Variants in ATG10 observed in about 807,000 individuals in gnomAD.
The protein encoded by ATG10 is autophagy related 10, also known as ubiquitin-like-conjugating enzyme ATG10.
Under a neutral mutation model 32.1 loss-of-function variants are expected in ATG10, and 30 were observed. That is an observed-to-expected ratio of 0.94 (90% CI 0.70 to 1.27). ATG10 has a LOEUF of 1.27. Among genes scored for constraint, ATG10 ranks in the 50% most tolerant of loss-of-function variants. The probability of loss-of-function intolerance (pLI) is 0.00; values close to 1 mark genes in which losing one functional copy is unlikely to be tolerated. For synonymous variants in ATG10, 87 were observed against 91.5 expected, an observed-to-expected ratio of 0.95 and a Z score of 0.28; for missense variants, 233 against 262.3, an observed-to-expected ratio of 0.89 and a Z score of 0.77.
intron 3 of ATG10, among the ~76,000 whole-genome samples, chr5:82,102,734 C>T (rs1322245134): frequency 6.6e-6 from 1 of 152,174 alleles, no homozygotes; most frequent in Non-Finnish European, 1.5e-5. Flanking sequence ...CCATCCTTCT[C>T]ACAGTGTTTT....
At chr5:82,235,674 G>A (rs1213904315) in intron 5 of ATG10, among the ~76,000 whole-genome samples, 1 of 152,184 alleles carries the variant, frequency 6.6e-6, no homozygotes, top group African/African-American at 2.4e-5. Context: ...GAAATTGACA[G>A]TATCCTCTAC....
chr5:81,973,579 CAT>C lies in ATG10; in HGVS notation c.-13+1276_-13+1277del, dbSNP rs1760789417. On this transcript the variant is annotated intron_variant, in intron 1 of 7. Coordinates refer to ENST00000282185, the MANE Select transcript of ATG10 (RefSeq NM_031482.5). ...TCTTTGTCACAGGTTCATTTTGAGT[CAT>C]ATTTATAACTTTTGTTATTGGACAA... 2.0e-5 allele frequency among the ~76,000 whole-genome samples: 3 copies of C among 152,244 alleles called. No homozygotes were observed. In the South Asian group the frequency reaches 6.2e-4, roughly 32 times the overall value.
At chr5:82,082,924 C>T (rs560408770) in intron 3 of ATG10, among the ~76,000 whole-genome samples, 9 of 152,308 alleles carry the variant, frequency 5.9e-5, no homozygotes, top group South Asian at 4.1e-4. Context: ...CAGCTCCCAG[C>T]GTGAGCGACA....
At chr5:82,238,731 A>C (rs1045490992) in intron 5 of ATG10, among the ~76,000 whole-genome samples, 19 of 152,156 alleles carry the variant, frequency 1.2e-4, no homozygotes, top group African/African-American at 4.1e-4. Flanking sequence ...TACCCACAAT[A>C]AGTATTCAGT....
At chr5:82,144,548 A>C (rs1046822977) in intron 3 of ATG10, among the ~76,000 whole-genome samples, 1 of 151,578 alleles carries the variant, frequency 6.6e-6, no homozygotes, top group Non-Finnish European at 1.5e-5. Context: ...AATTCACTTT[A>C]TGATTTTTAA....
intron 3 of ATG10, among the ~76,000 whole-genome samples, chr5:82,093,978 C>G (rs1764970983): frequency 6.6e-6 from 1 of 152,120 alleles, no homozygotes; most frequent in Non-Finnish European, 1.5e-5. Flanking sequence ...ATTGTTTCCT[C>G]TAATTGTTTT....
At chr5:82,066,171 A>G (rs1388216765) in intron 3 of ATG10, among the ~76,000 whole-genome samples, 1 of 152,118 alleles carries the variant, frequency 6.6e-6, no homozygotes, top group Admixed American at 6.5e-5. Context: ...TTTGTCTCTA[A>G]TGTCTTCATT....
At chr5:82,245,056 A>G (rs1448690268) in intron 5 of ATG10, among the ~76,000 whole-genome samples, 1 of 152,218 alleles carries the variant, frequency 6.6e-6, no homozygotes, top group Non-Finnish European at 1.5e-5. Context: ...TACTGACAGC[A>G]GATGGTAGCA....
chr5:82,034,973 C>A (rs1762867577), intron 2 of ATG10, among the ~76,000 whole-genome samples: 1 of 152,106 alleles, frequency 6.6e-6, no homozygotes, highest in African/African-American at 2.4e-5. Flanking sequence ...GGCTGGAGTG[C>A]AATGGTGTGA....
At position 82,254,925 on chromosome 5, in the gene ATG10, T is replaced by TGTGTGTGTGTGTGG. The variant is rs752223016; in HGVS notation, c.*865_*866insTGTGTGTGTGGGTG. On this transcript the variant is annotated 3_prime_UTR_variant, in exon 8 of 8. Coordinates refer to ENST00000282185, the MANE Select transcript of ATG10 (RefSeq NM_031482.5). ...GTGTGTGTGTGTGTGTGTGTGTATGTGTGGGTGTTTGTGTAGATAGTTGTA... is the reference window on the plus strand; with the variant it reads ...GTGTGTGTGTGTGTGTGTGTGTATGTGTGTGTGTGTGTGGGTGGGTGTTTGTGTAGATAGTTGTA... The TGTGTGTGTGTGTGG allele has an allele frequency of 8.5e-5, 13 of 152,124 alleles. No homozygotes were observed. The highest frequency in any genetic ancestry group is 1.9e-4 in the African/African-American group (8 of 41,522). The allele number at this position is 152,124 out of a possible 1,614,324, so 9.4% of individuals were successfully genotyped here. A position where few individuals can be genotyped will look rare whatever the true frequency, so the allele number is the denominator to read the frequency against.
chr5:82,093,569 C>T (rs1764959065), intron 3 of ATG10, among the ~76,000 whole-genome samples: 1 of 152,246 alleles, frequency 6.6e-6, no homozygotes, highest in South Asian at 2.1e-4. Flanking sequence ...TTTATTGGAA[C>T]ACAACTATGC....
chr5:82,163,268 T>G (rs183660566), intron 3 of ATG10, among the ~76,000 whole-genome samples: 225 of 152,352 alleles, frequency 1.5e-3, no homozygotes, highest in Non-Finnish European at 1.7e-3. Context: ...TTTTATTATG[T>G]TTAATTGATG....
intron 2 of ATG10, among the ~76,000 whole-genome samples, chr5:82,019,006 G>T (rs1262256802): frequency 6.6e-6 from 1 of 152,092 alleles, no homozygotes; most frequent in Non-Finnish European, 1.5e-5. Flanking sequence ...TATGCCCAAA[G>T]CAACTAGAAT....
intron 6 of ATG10, 34 bp downstream of exon 6, chr5:82,252,693 C>T: frequency 7.9e-7 from 1 of 1,271,154 alleles, no homozygotes; most frequent in Non-Finnish European, 1.1e-6. Context: ...TTGGCTTCTA[C>T]TCTGATTTTA....
intron 2 of ATG10, among the ~76,000 whole-genome samples, chr5:81,999,944 G>T (rs1480528580): frequency 6.6e-6 from 1 of 152,144 alleles, no homozygotes; most frequent in East Asian, 1.9e-4. Context: ...AATTCTAGAT[G>T]TGTAAAGAAG....
At chr5:82,118,560 G>C (rs1377099791) in intron 3 of ATG10, among the ~76,000 whole-genome samples, 1 of 151,468 alleles carries the variant, frequency 6.6e-6, no homozygotes, top group Non-Finnish European at 1.5e-5. Context: ...CCTTAGCTAA[G>C]ACATGAAATG....
chr5:82,095,528 C>T (rs573420142), intron 3 of ATG10, among the ~76,000 whole-genome samples: 35 of 152,144 alleles, frequency 2.3e-4, no homozygotes, highest in Middle Eastern at 3.4e-3. Context: ...TCTGTATGCA[C>T]GCTGCCATCT....
intron 3 of ATG10, among the ~76,000 whole-genome samples, chr5:82,100,872 G>T (rs1474728035): frequency 1.3e-5 from 2 of 148,650 alleles, no homozygotes; most frequent in African/African-American, 4.9e-5. Context: ...GTCTTGGTAT[G>T]GGGTAAAAAA....
chr5:82,124,283 G>A (rs1241789642), intron 3 of ATG10, among the ~76,000 whole-genome samples: 3 of 150,700 alleles, frequency 2.0e-5, no homozygotes, highest in Non-Finnish European at 3.0e-5. Context: ...GATTACAGAC[G>A]TGAGCCACTG....
Sources: allele counts gnomAD v4.1 joint callset (sites outside exome capture counted in the v4.1 genomes callset), GRCh38; gene constraint gnomAD v4.1.1; transcripts MANE v1.5; gene names NCBI Gene and HGNC (gene_info 2026-07-23, HGNC 2026-07-21).